The following P2RX7 variants were observed in gnomAD, a reference collection of about 807,000 sequenced individuals.
P2RX7 encodes P2X purinoceptor 7.
In P2RX7, 62 loss-of-function variants were observed where a neutral mutation model predicts 71.6. The ratio of observed to expected loss-of-function variants is 0.87; its 90% CI spans 0.71 to 1.07. The LOEUF (loss-of-function observed/expected upper bound fraction) is 1.07, where lower values mean the gene tolerates loss of function less well. P2RX7 is among the 50% of genes least tolerant of loss of function. The probability of loss-of-function intolerance (pLI) is 0.00; values close to 1 mark genes in which losing one functional copy is unlikely to be tolerated. For synonymous variants in P2RX7, 299 were observed against 283.3 expected, an observed-to-expected ratio of 1.06 and a Z score of -0.56; for missense variants, 686 against 748.5, an observed-to-expected ratio of 0.92 and a Z score of 0.97.
At chr12:121,143,647 C>T (rs574998547) in intron 1 of P2RX7, among the ~76,000 whole-genome samples, 31 of 151,882 alleles carry the variant, frequency 2.0e-4, no homozygotes, top group Middle Eastern at 6.8e-3. Context: ...GTCAGGAGTT[C>T]GAGACCAGCC....
chr12:121,145,473 T>C (rs1875950112), intron 1 of P2RX7, among the ~76,000 whole-genome samples: 2 of 151,090 alleles, frequency 1.3e-5, no homozygotes, highest in Admixed American at 6.6e-5. Context: ...GATGCGGAAG[T>C]GGATGTGATG....
At chr12:121,166,285 G>GA in intron 7 of P2RX7, 98 bp downstream of exon 7, 1 of 1,321,334 alleles carries the variant, frequency 7.6e-7, no homozygotes, top group Non-Finnish European at 1.1e-6. Context: ...TTCATAATGT[G>GA]GCTCACATTT....
chr12:121,137,962 G>A (rs982634325), intron 1 of P2RX7, among the ~76,000 whole-genome samples: 2 of 152,224 alleles, frequency 1.3e-5, no homozygotes, highest in African/African-American at 2.4e-5. Flanking sequence ...CCAAGAGGCT[G>A]TTCAGCTTCT....
At chr12:121,168,774 G>A (rs923359153) in intron 8 of P2RX7, among the ~76,000 whole-genome samples, 1 of 151,908 alleles carries the variant, frequency 6.6e-6, no homozygotes, top group African/African-American at 2.4e-5. Flanking sequence ...TCTCACCTAC[G>A]CCTCCATGAT....
rs1418996676 is a variant in P2RX7 at position 121,177,155 on chromosome 12, A to T, written c.981A>T (p.Lys327Asn). ...FDILVFGTGG[K>N]FDIIQLVVYI... is the part of the protein sequence containing the mutation. ...TCCCACTCTGTTTTTAGGGAGGAAA[A>T]TTTGACATTATCCAGCTGGTTGTGT... The change falls in exon 10 of 13, where the codon AAA becomes AAT. Residue 327 changes from lysine (K) to asparagine (N), a missense_variant. Transcript: ENST00000328963. 10 of 1,614,086 alleles carry T rather than the reference A, an allele frequency of 6.2e-6. No individual in the cohort carries two copies. The South Asian group carries it at 1.1e-4, about 18-fold the overall frequency.
chr12:121,181,559 TA>T (rs1443843023), intron 12 of P2RX7, among the ~76,000 whole-genome samples: 1 of 152,078 alleles, frequency 6.6e-6, no homozygotes, highest in Non-Finnish European at 1.5e-5. Context: ...CTAAGTGGCT[TA>T]AAACAACAGA....
chr12:121,184,927 A>G lies in P2RX7; in HGVS notation c.*125A>G, dbSNP rs1884730344. 1.4e-6 allele frequency: 1 copy of G among 737,500 alleles called. No homozygotes were observed. The highest frequency in any genetic ancestry group is 2.2e-6 in the Non-Finnish European group (1 of 458,772). The allele number at this position is 737,500 out of a possible 1,614,324, so 45.7% of individuals were successfully genotyped here. On this transcript the variant is annotated 3_prime_UTR_variant, in exon 13 of 13. Coordinates refer to ENST00000328963, the MANE Select transcript of P2RX7 (RefSeq NM_002562.6). ...AGGCGAAATCCTGTCTGTACTAAAA[A>G]TACAAAAATCAGCCAGACATGGTGG...
chr12:121,160,085 TCTTC>T (rs988396729), intron 3 of P2RX7, among the ~76,000 whole-genome samples: 1 of 151,704 alleles, frequency 6.6e-6, no homozygotes, highest in Non-Finnish European at 1.5e-5. Flanking sequence ...CAGAATATTT[TCTTC>T]CTTCTTTCTT....
At chr12:121,153,454 G>C (rs1418221866) in intron 1 of P2RX7, among the ~76,000 whole-genome samples, 1 of 152,020 alleles carries the variant, frequency 6.6e-6, no homozygotes, top group Non-Finnish European at 1.5e-5. Context: ...AAGGTGGGTG[G>C]ATCCCTTGAG....
chr12:121,167,027 A>G (rs779491335), intron 7 of P2RX7, among the ~76,000 whole-genome samples: 32 of 149,404 alleles, frequency 2.1e-4, no homozygotes, highest in Non-Finnish European at 2.8e-4. Flanking sequence ...ACTCCAGCCT[A>G]GGTGACAAGA....
intron 1 of P2RX7, among the ~76,000 whole-genome samples, chr12:121,153,447 G>T (rs1877886685): frequency 6.6e-6 from 1 of 151,986 alleles, no homozygotes; most frequent in Non-Finnish European, 1.5e-5. Flanking sequence ...GGAGGCCAAG[G>T]TGGGTGGATC....
At chr12:121,134,593 T>C (rs1873132928) in intron 1 of P2RX7, among the ~76,000 whole-genome samples, 1 of 152,192 alleles carries the variant, frequency 6.6e-6, no homozygotes, top group Non-Finnish European at 1.5e-5. Flanking sequence ...GGTTTCGCCA[T>C]GTAGGCCAGG....
intron 3 of P2RX7, among the ~76,000 whole-genome samples, chr12:121,157,188 C>T (rs1037021308): frequency 1.3e-5 from 2 of 152,126 alleles, no homozygotes; most frequent in African/African-American, 2.4e-5. Context: ...CAACACTGAC[C>T]GTTGCAGCAG....
chr12:121,151,611 A>G (rs894698479), intron 1 of P2RX7, among the ~76,000 whole-genome samples: 3 of 152,136 alleles, frequency 2.0e-5, no homozygotes, highest in African/African-American at 7.2e-5. Flanking sequence ...AAAAAATATA[A>G]TTTTTTATTG....
At chr12:121,161,562 G>T (rs928848806) in intron 4 of P2RX7, among the ~76,000 whole-genome samples, 2 of 151,402 alleles carry the variant, frequency 1.3e-5, no homozygotes, top group African/African-American at 2.4e-5. Flanking sequence ...GGAGGGTGAG[G>T]CAGATGGATG....
In P2RX7 at chr12:121,152,653, G is replaced by A. The variant is rs369030052; in HGVS notation, c.126-2132G>A. Among the ~76,000 whole-genome samples, 5 of 152,328 alleles carry A rather than the reference G, an allele frequency of 3.3e-5. No homozygotes were observed. In the South Asian group the frequency reaches 6.2e-4, roughly 19 times the overall value. On this transcript the variant is annotated intron_variant, in intron 1 of 12. Transcript: ENST00000328963. Reference sequence around the variant, plus strand: ...TCCTGCCTCAGCCTCCCGAATAGGTGGGATTACAGGCTCACGCCACCGTAC... The same window carrying A: ...TCCTGCCTCAGCCTCCCGAATAGGTAGGATTACAGGCTCACGCCACCGTAC...
At chr12:121,159,135 T>C (rs561349061) in intron 3 of P2RX7, among the ~76,000 whole-genome samples, 1 of 152,272 alleles carries the variant, frequency 6.6e-6, no homozygotes, top group South Asian at 2.1e-4. Context: ...AGACAATTTG[T>C]TGGCTGGGCA....
intron 1 of P2RX7, among the ~76,000 whole-genome samples, chr12:121,144,040 C>G (rs576154071): frequency 2.0e-4 from 30 of 152,242 alleles, no homozygotes; most frequent in Admixed American, 6.5e-4. Flanking sequence ...AGTCACTCCC[C>G]ACTCCCACTT....
intron 7 of P2RX7, 92 bp downstream of exon 7, chr12:121,166,279 T>C: frequency 7.4e-7 from 1 of 1,360,092 alleles, no homozygotes; most frequent in Non-Finnish European, 1.0e-6. Flanking sequence ...TGGGTCTTCA[T>C]AATGTGGCTC....
Sources: allele counts gnomAD v4.1 joint callset (sites outside exome capture counted in the v4.1 genomes callset), GRCh38; gene constraint gnomAD v4.1.1; transcripts MANE v1.5; gene names NCBI Gene and HGNC (gene_info 2026-07-23, HGNC 2026-07-21).